The following ZNF704 variants were observed in gnomAD, a reference collection of about 807,000 sequenced individuals.
ZNF704 encodes glucocorticoid induced gene 1.
Under a neutral mutation model 44.7 loss-of-function variants are expected in ZNF704, and 10 were observed. The ratio of observed to expected loss-of-function variants is 0.22; its 90% confidence interval spans 0.14 to 0.38. The LOEUF is 0.38. Among genes scored for constraint, ZNF704 ranks in the 10% least tolerant of loss-of-function variants. The pLI, the probability that ZNF704 is intolerant of heterozygous loss-of-function variation, is 1.00. For missense variants in ZNF704, 390 were observed against 545.5 expected, an observed-to-expected ratio of 0.71 and a Z score of 2.84; for synonymous variants, 211 against 207.6, an observed-to-expected ratio of 1.02 and a Z score of -0.14.
At chr8:80,643,157 A>G in intron 7 of ZNF704, 28 bp from the exon 8 acceptor site, 1 of 1,559,592 alleles carries the variant, frequency 6.4e-7, no homozygotes, top group Non-Finnish European at 8.7e-7. Flanking sequence ...AAGAAAGTTG[A>G]TGGGGCAGGT....
chr8:80,710,683 G>A (rs1818971823), intron 2 of ZNF704, among the ~76,000 whole-genome samples: 1 of 152,112 alleles, frequency 6.6e-6, no homozygotes, highest in Non-Finnish European at 1.5e-5. Context: ...CACAGCAAAA[G>A]GTAGCTATGT....
intron 1 of ZNF704, among the ~76,000 whole-genome samples, chr8:80,868,257 C>A (rs564169749): frequency 3.4e-4 from 51 of 152,198 alleles, no homozygotes; most frequent in African/African-American, 1.2e-3. Context: ...AGGACTGTTA[C>A]CACTGCAGAT....
chr8:80,712,502 C>T (rs1322976373), intron 2 of ZNF704, among the ~76,000 whole-genome samples: 1 of 152,108 alleles, frequency 6.6e-6, no homozygotes, highest in African/African-American at 2.4e-5. Flanking sequence ...TGAATGGGCA[C>T]ATCTCCCCAG....
At chr8:80,837,580 G>A (rs779602342) in intron 1 of ZNF704, among the ~76,000 whole-genome samples, 4 of 143,076 alleles carry the variant, frequency 2.8e-5, no homozygotes, top group Admixed American at 6.7e-5. Context: ...AGGTATGCCC[G>A]AAACACTTCT....
At chr8:80,818,838 T>A (rs1048678845) in intron 2 of ZNF704, among the ~76,000 whole-genome samples, 4 of 152,182 alleles carry the variant, frequency 2.6e-5, no homozygotes, top group African/African-American at 9.6e-5. Context: ...CTGTATCAGG[T>A]AAAGAAGTTT....
intron 3 of ZNF704, among the ~76,000 whole-genome samples, chr8:80,688,647 T>C (rs1818581046): frequency 6.6e-6 from 1 of 152,240 alleles, no homozygotes; most frequent in South Asian, 2.1e-4. Context: ...AAGAATTTAT[T>C]GGCAATAATT....
intron 2 of ZNF704, among the ~76,000 whole-genome samples, chr8:80,769,680 A>G (rs1289530453): frequency 6.6e-6 from 1 of 152,206 alleles, no homozygotes; most frequent in Non-Finnish European, 1.5e-5. Flanking sequence ...TACTGCTATC[A>G]GCATTTTTGT....
intron 2 of ZNF704, among the ~76,000 whole-genome samples, chr8:80,780,334 G>A (rs1011796711): frequency 6.6e-6 from 1 of 152,154 alleles, no homozygotes; most frequent in Admixed American, 6.5e-5. Context: ...GATTCCTATG[G>A]CAGAAAGAGA....
Position 80,821,590 on chromosome 8 carries a change from G to A in ZNF704, c.5C>T (p.Thr2Ile). 6.2e-7 allele frequency: 1 copy of A among 1,613,098 alleles called. No homozygotes were observed. Among genetic ancestry groups the A allele is most frequent in the East Asian group, 2.2e-5 (1 of 44,878 alleles). ...TAAGTCCTCTGACTGAAATGTGAAG[G>A]TCATTTCCCGCTTAATGCTCCCCAC... MTFTFQSEDLKR... is the reference protein window; with the variant it reads MIFTFQSEDLKR... Residue 2 changes from threonine (T) to isoleucine (I), a missense_variant, in exon 2 of 9, where the codon ACC becomes ATC. Physicochemically the swap from Thr to Ile is moderately conservative, Grantham distance 89. This residue lies in a region of ZNF704 where 80 missense variants were observed against 83.7 expected (regional missense o/e 0.96). Coordinates refer to ENST00000327835, the MANE Select transcript of ZNF704 (RefSeq NM_001033723.3).
chr8:80,788,881 A>G (rs1807658165), intron 2 of ZNF704, among the ~76,000 whole-genome samples: 1 of 152,206 alleles, frequency 6.6e-6, no homozygotes, highest in African/African-American at 2.4e-5. Context: ...ATCCCCACTT[A>G]AAAACAACTA....
At chr8:80,722,960 G>A (rs1009316611) in intron 2 of ZNF704, among the ~76,000 whole-genome samples, 11 of 152,142 alleles carry the variant, frequency 7.2e-5, no homozygotes, top group African/African-American at 2.2e-4. Context: ...CCTAAGTATC[G>A]AATAAAAACA....
At chr8:80,882,120 T>C in the ZNF704 span, among the ~76,000 whole-genome samples, 3 of 152,226 alleles carry the variant, frequency 2.0e-5, no homozygotes, top group Non-Finnish European at 4.4e-5. Context: ...TTTTGGATTC[T>C]TTCCTTAGGA....
chr8:80,871,385 C>T (rs993742126), intron 1 of ZNF704, among the ~76,000 whole-genome samples: 1 of 152,202 alleles, frequency 6.6e-6, no homozygotes, highest in Admixed American at 6.5e-5. Flanking sequence ...AACTGCTACT[C>T]CCTCTGCCTG....
chr8:80,715,638 C>T (rs1244325969), intron 2 of ZNF704, among the ~76,000 whole-genome samples: 1 of 152,202 alleles, frequency 6.6e-6, no homozygotes, highest in Non-Finnish European at 1.5e-5. Context: ...ACTTCTTGCA[C>T]ATTAGACTCC....
rs73264403 is a variant in ZNF704 at position 80,838,760 on chromosome 8, C to A, written c.-21-17145G>T. ...AGGAGGAGGAGGAGGAGGAGGAGGC[C>A]ACCCGAGGTGGCAATGGAGGCAGCG... On this transcript the variant is annotated intron_variant, in intron 1 of 8. Transcript: ENST00000327835. Among the ~76,000 whole-genome samples, 617 of 129,362 alleles carry A rather than the reference C, an allele frequency of 4.8e-3. 5 individuals are homozygous for A. The highest frequency in any genetic ancestry group is 0.018 in the African/African-American group (569 of 30,964). The allele number at this position is 129,362 out of a possible 152,430, so 84.9% of individuals were successfully genotyped here. A position where few individuals can be genotyped will look rare whatever the true frequency, so the allele number is the denominator to read the frequency against.
At chr8:80,872,338 G>A (rs909973487) in intron 1 of ZNF704, among the ~76,000 whole-genome samples, 1 of 152,150 alleles carries the variant, frequency 6.6e-6, no homozygotes, top group African/African-American at 2.4e-5. Context: ...GGTGGTCTAG[G>A]AAATAAATTT....
the ZNF704 span, among the ~76,000 whole-genome samples, chr8:80,880,693 C>G: frequency 6.6e-6 from 1 of 152,126 alleles, no homozygotes; most frequent in Non-Finnish European, 1.5e-5. Context: ...TTTATAACCT[C>G]TAGGGAATGA....
chr8:80,824,142 A>C (rs758891947), intron 1 of ZNF704, among the ~76,000 whole-genome samples: 13 of 152,172 alleles, frequency 8.5e-5, no homozygotes, highest in Non-Finnish European at 1.6e-4. Flanking sequence ...CTAAAGGAGG[A>C]TGTTCGAACC....
At chr8:80,825,023 G>A (rs1279147039) in intron 1 of ZNF704, among the ~76,000 whole-genome samples, 1 of 152,130 alleles carries the variant, frequency 6.6e-6, no homozygotes, top group African/African-American at 2.4e-5. Context: ...CAACTAATGA[G>A]CAAAATAACC....
Sources: gnomAD v4.1 joint callset for allele counts (sites outside exome capture counted in the v4.1 genomes callset) on GRCh38, gnomAD v4.1.1 for gene constraint, gnomAD v4.1.1 regional missense constraint, MANE v1.5 for transcripts, NCBI Gene and HGNC (gene_info 2026-07-23, HGNC 2026-07-21) for gene names.